KIRREL3: variants seen among roughly 807,000 people sequenced by gnomAD.
The protein encoded by KIRREL3 is kin of IRRE-like protein 3.
In KIRREL3, 36 loss-of-function variants were observed where a neutral mutation model predicts 89.7. The ratio of observed to expected loss-of-function variants is 0.40; its 90% CI spans 0.31 to 0.53. KIRREL3 has a LOEUF of 0.53. Ranked by LOEUF, KIRREL3 falls within the 20% of genes least tolerant of loss-of-function variation. The pLI is 0.49. For synonymous variants in KIRREL3, 445 were observed against 441.4 expected, an observed-to-expected ratio of 1.01 and a Z score of -0.10; for missense variants, 864 against 1,056.6, an observed-to-expected ratio of 0.82 and a Z score of 2.53.
chr11:126,810,226 C>G (rs1241651268), intron 1 of KIRREL3, among the ~76,000 whole-genome samples: 4 of 152,100 alleles, frequency 2.6e-5, no homozygotes, highest in Admixed American at 1.3e-4. Flanking sequence ...TCTAGAGTGC[C>G]TTGACAATCT....
chr11:126,454,236 T>C lies in KIRREL3; in HGVS notation c.848+2113A>G, dbSNP rs1956270104. Among the ~76,000 whole-genome samples the C allele has an allele frequency of 6.6e-6, 1 of 152,108 alleles. No individual in the cohort carries two copies. Among genetic ancestry groups the C allele is most frequent in the Non-Finnish European group, 1.5e-5 (1 of 68,010 alleles). ...CCTGGGAATCAGGCCCAGCACTTCG[T>C]TTCCTGGGTGTTTGCTGTCCGGGTC... On this transcript the variant is annotated intron_variant, in intron 7 of 16. Coordinates refer to ENST00000525144, the MANE Select transcript of KIRREL3 (RefSeq NM_032531.4). The surrounding 1 kb of genome is among the most constrained non-coding windows in gnomAD (Gnocchi z 5.8).
In KIRREL3 at chr11:126,677,083, C is replaced by G. The variant is rs1946227771; in HGVS notation, c.56-114171G>C. ...TTTTTTTAACAGCTGTATTGAGATA[C>G]AGTTCACATATGGCCCACTTAAAGA... On this transcript the variant is annotated intron_variant, in intron 1 of 16. Transcript: ENST00000525144. This position sits in a 1 kb window ranked among gnomAD's most constrained non-coding sequence, Gnocchi z 5.1. Among the ~76,000 whole-genome samples, 1 of 151,892 alleles carries G rather than the reference C, an allele frequency of 6.6e-6. No homozygotes were observed. Among genetic ancestry groups the G allele is most frequent in the Non-Finnish European group, 1.5e-5 (1 of 67,984 alleles).
rs1949482736 is a variant in KIRREL3 at position 126,755,877 on chromosome 11, A to G, written c.56-192965T>C. Among the ~76,000 whole-genome samples, 1 of 122,242 alleles carries G rather than the reference A, an allele frequency of 8.2e-6. No individual in the cohort carries two copies. The highest frequency in any genetic ancestry group is 3.6e-5 in the African/African-American group (1 of 27,730). The allele number at this position is 122,242 out of a possible 152,430, so 80.2% of individuals were successfully genotyped here. On this transcript the variant is annotated intron_variant, in intron 1 of 16. Coordinates refer to ENST00000525144, the MANE Select transcript of KIRREL3 (RefSeq NM_032531.4). This position sits in a 1 kb window ranked among gnomAD's most constrained non-coding sequence, Gnocchi z 4.3. ...AGAGGGAGAGAGGGAGAGAGAAAAA[A>G]CAGAGAGAGAGAGAGAGAGAGAAGA...
intron 4 of KIRREL3, among the ~76,000 whole-genome samples, chr11:126,512,049 C>T (rs1473694938): frequency 1.3e-5 from 2 of 152,198 alleles, no homozygotes; most frequent in Non-Finnish European, 2.9e-5. Flanking sequence ...CCTGCCCCTC[C>T]CTCAGTTGGC....
chr11:126,714,709 T>C (rs766088374), intron 1 of KIRREL3, among the ~76,000 whole-genome samples: 1 of 152,140 alleles, frequency 6.6e-6, no homozygotes, highest in Non-Finnish European at 1.5e-5. Context: ...ATGAATCCTT[T>C]ACTGGCGTCT....
chr11:126,697,604 T>C lies in KIRREL3; in HGVS notation c.56-134692A>G, dbSNP rs2135153346. Among the ~76,000 whole-genome samples, 1 of 152,306 alleles carries C rather than the reference T, an allele frequency of 6.6e-6. No homozygotes were observed. The highest frequency in any genetic ancestry group is 2.1e-4 in the South Asian group (1 of 4,828). ...AGGCCCCAGGACCTATAGCTTTAGA[T>C]CCAAAAGAGGTCAGAAGATTTAGAC... is the stretch of plus-strand genomic sequence containing the variant. On this transcript the variant is annotated intron_variant, in intron 1 of 16. Coordinates refer to ENST00000525144, the MANE Select transcript of KIRREL3 (RefSeq NM_032531.4). The surrounding 1 kb of genome is among the most constrained non-coding windows in gnomAD (Gnocchi z 4.2).
rs1253697212 is a variant in KIRREL3 at position 126,931,727 on chromosome 11, GT to G, written c.55+68727del. Among the ~76,000 whole-genome samples, 2 of 152,186 alleles carry G rather than the reference GT, an allele frequency of 1.3e-5. No individual in the cohort carries two copies. The highest frequency in any genetic ancestry group is 6.5e-5 in the Admixed American group (1 of 15,284). ...AGCATTCTGGGGAAGATTATCACCA[GT>G]TTACAGACAGTAGCAATGAGGCCAG... is the stretch of plus-strand genomic sequence containing the variant. On this transcript the variant is annotated intron_variant, in intron 1 of 16. Transcript: ENST00000525144. This position sits in a 1 kb window ranked among gnomAD's most constrained non-coding sequence, Gnocchi z 5.1.
At position 126,491,136 on chromosome 11, in the gene KIRREL3, C is replaced by T. The variant is rs1957500945; in HGVS notation, c.434-17670G>A. Among the ~76,000 whole-genome samples the T allele has an allele frequency of 6.6e-6, 1 of 152,206 alleles. No homozygotes were observed. The highest frequency in any genetic ancestry group is 1.5e-5 in the Non-Finnish European group (1 of 68,034). ...AAAGACAAGCCCTGAGTCTCCAGGC[C>T]ACCACTTTCTACCTGCGTGGACTCT... On this transcript the variant is annotated intron_variant, in intron 4 of 16. Transcript: ENST00000525144. This position sits in a 1 kb window ranked among gnomAD's most constrained non-coding sequence, Gnocchi z 5.5.
Position 126,424,254 on chromosome 11 carries a change from T to G in KIRREL3, c.*326A>C, listed in dbSNP as rs886369634. ...CCGCAGTTTCATGAAAGCAGAGTTA[T>G]AGCTGCCACTTGTGCCTGTGGGCAG... On this transcript the variant is annotated 3_prime_UTR_variant, in exon 17 of 17. Transcript: ENST00000525144. The G allele has an allele frequency of 4.9e-6, 2 of 408,270 alleles. No individual in the cohort carries two copies. The highest frequency in any genetic ancestry group is 4.5e-6 in the Non-Finnish European group (1 of 219,892). 25.3% of individuals were successfully genotyped at this position (408,270 alleles called of 1,614,324 possible).
intron 6 of KIRREL3, among the ~76,000 whole-genome samples, chr11:126,461,367 C>T (rs1302325094): frequency 2.0e-5 from 3 of 152,234 alleles, no homozygotes; most frequent in Admixed American, 6.5e-5. Flanking sequence ...GAGGCCTGGC[C>T]TCACTTTCAG....
At chr11:126,923,110 C>CCTTCTCCTT (rs1947426372) in intron 1 of KIRREL3, among the ~76,000 whole-genome samples, 3 of 68,420 alleles carry the variant, frequency 4.4e-5, no homozygotes, top group African/African-American at 2.7e-4. Context: ...TTCTCCTTCT[C>CCTTCTCCTT]CTTCTCCTTC....
intron 1 of KIRREL3, among the ~76,000 whole-genome samples, chr11:126,834,559 C>CT (rs1234168017): frequency 9.8e-5 from 15 of 152,344 alleles, no homozygotes; most frequent in Admixed American, 7.2e-4. Context: ...AATCAGATCA[C>CT]TCAAGAGCAC....
rs111538938 is a variant in KIRREL3 at position 126,693,706 on chromosome 11, T to A, written c.56-130794A>T. On this transcript the variant is annotated intron_variant, in intron 1 of 16. Transcript: ENST00000525144. ...TCTCATTTGTCCACCAGTGATAGCG[T>A]ATGTAGCCTTCTACATTAATGTAAA... Among the ~76,000 whole-genome samples, 74 of 152,316 alleles carry A rather than the reference T, an allele frequency of 4.9e-4. 1 individual carries two copies. Among genetic ancestry groups the A allele is most frequent in the African/African-American group, 1.8e-3 (74 of 41,578 alleles).
At chr11:126,847,544 A>G (rs921737671) in intron 1 of KIRREL3, among the ~76,000 whole-genome samples, 20 of 152,140 alleles carry the variant, frequency 1.3e-4, no homozygotes, top group African/African-American at 4.8e-4. Context: ...TTGTGACACT[A>G]GAATGGAGGA....
intron 4 of KIRREL3, among the ~76,000 whole-genome samples, chr11:126,483,852 A>G (rs141963631): frequency 3.3e-5 from 5 of 152,306 alleles, no homozygotes; most frequent in African/African-American, 1.2e-4. Context: ...TCAAAGGCCT[A>G]TCATGCCTTG....
chr11:126,772,295 T>C lies in KIRREL3; in HGVS notation c.56-209383A>G, dbSNP rs1230389501. The stretch of plus-strand genomic sequence containing the variant: ...TGTCAATATTTTTTGGGTCAATGTT[T>C]GTAAGACCAGACTCTTAAATTCAAG... On this transcript the variant is annotated intron_variant, in intron 1 of 16. Transcript: ENST00000525144. This position sits in a 1 kb window ranked among gnomAD's most constrained non-coding sequence, Gnocchi z 4.6. Among the ~76,000 whole-genome samples, 1 of 152,208 alleles carries C rather than the reference T, an allele frequency of 6.6e-6. No homozygotes were observed. The highest frequency in any genetic ancestry group is 2.4e-5 in the African/African-American group (1 of 41,454).
chr11:126,979,458 T>G (rs991240045), intron 1 of KIRREL3, among the ~76,000 whole-genome samples: 1 of 152,170 alleles, frequency 6.6e-6, no homozygotes, highest in Non-Finnish European at 1.5e-5. Flanking sequence ...CCAGGATTGA[T>G]TTGCGGGAAA....
rs770775408 is a variant in KIRREL3, at chr11:126,544,162, C to T, written c.134-17475G>A. The T allele has an allele frequency of 1.3e-5, 2 of 152,240 alleles. No homozygotes were observed. The highest frequency in any genetic ancestry group is 2.4e-5 in the African/African-American group (1 of 41,456). 9.4% of individuals were successfully genotyped at this position (152,240 alleles called of 1,614,324 possible). On this transcript the variant is annotated intron_variant, in intron 2 of 16. Transcript: ENST00000525144. This position sits in a 1 kb window ranked among gnomAD's most constrained non-coding sequence, Gnocchi z 5.6. ...GAGAAGAGAGCAGCTTTCAACCCCCCTCTCCTAAACGCAACGATATTTGGT... is the reference window on the plus strand; with the variant it reads ...GAGAAGAGAGCAGCTTTCAACCCCCTTCTCCTAAACGCAACGATATTTGGT...
At position 126,496,904 on chromosome 11, in the gene KIRREL3, G is replaced by A. The variant is rs1238359852; in HGVS notation, c.434-23438C>T. ...CCTCAATGTCCCGGAATTGCTTCTT[G>A]GAGGCCAATGAGAGTGGGCAGAACT... On this transcript the variant is annotated intron_variant, in intron 4 of 16. Coordinates refer to ENST00000525144, the MANE Select transcript of KIRREL3 (RefSeq NM_032531.4). This position sits in a 1 kb window ranked among gnomAD's most constrained non-coding sequence, Gnocchi z 4.9. 1.3e-5 allele frequency among the ~76,000 whole-genome samples: 2 copies of A among 152,126 alleles called. No individual in the cohort carries two copies. The highest frequency in any genetic ancestry group is 2.9e-5 in the Non-Finnish European group (2 of 68,028).
Sources: allele counts gnomAD v4.1 joint callset (sites outside exome capture counted in the v4.1 genomes callset), GRCh38; gene constraint gnomAD v4.1.1; non-coding constraint Gnocchi (gnomAD v3.1); transcripts MANE v1.5; gene names NCBI Gene and HGNC (gene_info 2026-07-23, HGNC 2026-07-21).